Variants in DLGAP2 observed in about 807,000 individuals in gnomAD.
DLGAP2 encodes disks large-associated protein 2.
Under a neutral mutation model 100.3 loss-of-function variants are expected in DLGAP2, and 26 were observed. That is an observed-to-expected ratio of 0.26 (90% CI 0.19 to 0.36). DLGAP2 has a LOEUF of 0.36. Ranked by LOEUF, DLGAP2 falls within the 10% of genes least tolerant of loss-of-function variation. The probability of loss-of-function intolerance (pLI) is 1.00; values close to 1 mark genes in which losing one functional copy is unlikely to be tolerated. For synonymous variants in DLGAP2, 886 were observed against 630.1 expected (o/e 1.41, Z -6.08); for missense variants, 1,858 against 1,453.2 (o/e 1.28, Z -4.53).
chr8:812,651 A>G (rs1796393634), intron 1 of DLGAP2, among the ~76,000 whole-genome samples: 1 of 152,228 alleles, frequency 6.6e-6, no homozygotes, highest in African/African-American at 2.4e-5. Context: ...AACTAATCAA[A>G]TAGATGAAAT....
chr8:1,439,413 G>C lies in DLGAP2; in HGVS notation c.107-61953G>C, dbSNP rs144087162. Among the ~76,000 whole-genome samples the C allele has an allele frequency of 2.5e-3, 384 of 152,240 alleles. 4 individuals carry two copies. The highest frequency in any genetic ancestry group is 8.8e-3 in the African/African-American group (365 of 41,568). ...GTACCCTGTGCCCTCCGGAGCCTCT[G>C]CGTGTCCTCTCTAGTTCCTCACGGG... On this transcript the variant is annotated intron_variant, in intron 3 of 14. Coordinates refer to ENST00000637795, the MANE Select transcript of DLGAP2 (RefSeq NM_001346810.2).
Position 1,454,662 on chromosome 8 carries a change from G to A in DLGAP2, c.107-46704G>A, listed in dbSNP as rs1030489994. 4.6e-5 allele frequency among the ~76,000 whole-genome samples: 7 copies of A among 152,300 alleles called. 1 individual carries two copies. The East Asian group carries it at 1.4e-3, about 29-fold the overall frequency. On this transcript the variant is annotated intron_variant, in intron 3 of 14. Coordinates refer to ENST00000637795, the MANE Select transcript of DLGAP2 (RefSeq NM_001346810.2). ...GGCTGGATATTTCCAAAAACTCAAAGGACATTTTTGACTTCACTTTTTCTC... is the reference window on the plus strand; with the variant it reads ...GGCTGGATATTTCCAAAAACTCAAAAGACATTTTTGACTTCACTTTTTCTC...
chr8:1,581,708 A>G (rs1387805149), intron 6 of DLGAP2, among the ~76,000 whole-genome samples: 1 of 151,884 alleles, frequency 6.6e-6, no homozygotes, highest in East Asian at 1.9e-4. Context: ...ACCGCAGTCA[A>G]ACTACCAGAA....
intron 2 of DLGAP2, among the ~76,000 whole-genome samples, chr8:1,241,808 C>T (rs1330209722): frequency 4.0e-5 from 6 of 151,688 alleles, no homozygotes; most frequent in Admixed American, 3.3e-4. Flanking sequence ...TAAAGTTCAG[C>T]GGCAGGACAC....
intron 1 of DLGAP2, among the ~76,000 whole-genome samples, chr8:796,533 C>T (rs993787270): frequency 2.0e-5 from 3 of 152,292 alleles, no homozygotes; most frequent in Admixed American, 6.5e-5. Flanking sequence ...CCTCTCCTCC[C>T]CATGCCACTC....
At chr8:1,050,762 C>G (rs1802654905) in intron 2 of DLGAP2, among the ~76,000 whole-genome samples, 1 of 152,154 alleles carries the variant, frequency 6.6e-6, no homozygotes, top group South Asian at 2.1e-4. Flanking sequence ...TTCTCAGGAA[C>G]TAGTTTGAAG....
chr8:1,053,381 T>C (rs1344421820), intron 2 of DLGAP2, among the ~76,000 whole-genome samples: 1 of 152,108 alleles, frequency 6.6e-6, no homozygotes, highest in Admixed American at 6.6e-5. Context: ...AGTGATGAGT[T>C]CATACCCTTG....
intron 2 of DLGAP2, among the ~76,000 whole-genome samples, chr8:1,096,114 A>T (rs1804357529): frequency 6.6e-6 from 1 of 152,214 alleles, no homozygotes; most frequent in Non-Finnish European, 1.5e-5. Context: ...TACATCACAC[A>T]AGTGTGTAAA....
chr8:884,559 A>C (rs570433689), intron 1 of DLGAP2, among the ~76,000 whole-genome samples: 79 of 151,938 alleles, frequency 5.2e-4, no homozygotes, highest in Non-Finnish European at 1.0e-3. Flanking sequence ...AGATTGCAAA[A>C]ATTTTCTCCC....
intron 1 of DLGAP2, among the ~76,000 whole-genome samples, chr8:901,729 G>T (rs576965345): frequency 6.6e-6 from 1 of 152,246 alleles, no homozygotes; most frequent in African/African-American, 2.4e-5. Context: ...GCAGCACGGG[G>T]CGTCCCCATT....
chr8:1,226,724 G>T (rs1217971488), intron 2 of DLGAP2, among the ~76,000 whole-genome samples: 1 of 152,126 alleles, frequency 6.6e-6, no homozygotes, highest in Non-Finnish European at 1.5e-5. Flanking sequence ...GATTAGTGAT[G>T]TTGAGCGCTT....
intron 2 of DLGAP2, among the ~76,000 whole-genome samples, chr8:1,171,459 A>G (rs1442706543): frequency 6.6e-6 from 1 of 151,846 alleles, no homozygotes; most frequent in African/African-American, 2.4e-5. Context: ...TGTCTCATTG[A>G]TCTGTCTAAT....
At chr8:1,607,275 T>C (rs994990589) in intron 6 of DLGAP2, among the ~76,000 whole-genome samples, 2 of 152,224 alleles carry the variant, frequency 1.3e-5, no homozygotes, top group African/African-American at 2.4e-5. Context: ...GACACAGTTT[T>C]ATAGCAAGAG....
chr8:782,893 C>G (rs544080405), intron 1 of DLGAP2, among the ~76,000 whole-genome samples: 6 of 152,132 alleles, frequency 3.9e-5, no homozygotes, highest in Non-Finnish European at 5.9e-5. Flanking sequence ...AAGAACCAAC[C>G]CCCAAATCAC....
chr8:1,180,623 CCAT>C (rs1169563145), intron 2 of DLGAP2, among the ~76,000 whole-genome samples: 1 of 151,918 alleles, frequency 6.6e-6, no homozygotes. Flanking sequence ...GGGCAGCACA[CCAT>C]CAAGCGTGTC....
intron 3 of DLGAP2, among the ~76,000 whole-genome samples, chr8:1,444,662 G>A (rs1797931969): frequency 1.3e-5 from 2 of 151,386 alleles, no homozygotes; most frequent in African/African-American, 4.9e-5. Flanking sequence ...CAGGTTGATG[G>A]TCCCATGATT....
intron 6 of DLGAP2, among the ~76,000 whole-genome samples, chr8:1,571,923 G>A (rs1802714841): frequency 1.4e-5 from 2 of 137,970 alleles, no homozygotes; most frequent in Admixed American, 7.1e-5. Context: ...GGTAAACTGT[G>A]GGGGCGTCTG....
chr8:1,631,038 G>C (rs985437699), intron 7 of DLGAP2, among the ~76,000 whole-genome samples: 5 of 151,170 alleles, frequency 3.3e-5, no homozygotes, highest in African/African-American at 9.7e-5. Flanking sequence ...GTCTGGGCGG[G>C]AGGTCCGGGT....
chr8:1,209,367 GTTTA>G (rs1473410318), intron 2 of DLGAP2, among the ~76,000 whole-genome samples: 1 of 152,020 alleles, frequency 6.6e-6, no homozygotes, highest in Non-Finnish European at 1.5e-5. Context: ...TTATGGGTTC[GTTTA>G]TTTGTTTATT....
Sources: gnomAD v4.1 joint callset for allele counts (sites outside exome capture counted in the v4.1 genomes callset) on GRCh38, gnomAD v4.1.1 for gene constraint, MANE v1.5 for transcripts, NCBI Gene and HGNC (gene_info 2026-07-23, HGNC 2026-07-21) for gene names.